The following NTM variants were observed in gnomAD, a reference collection of about 807,000 sequenced individuals.
The protein encoded by NTM is IgLON family member 2.
NTM carries 13 observed loss-of-function variants against 42.1 expected under a neutral mutation model. That is an observed-to-expected ratio of 0.31 (90% CI 0.20 to 0.49). The LOEUF is 0.49. Among genes scored for constraint, NTM ranks in the 20% least tolerant of loss-of-function variants. NTM has a pLI of 0.99. For missense variants in NTM, 373 were observed against 452.8 expected, an observed-to-expected ratio of 0.82 and a Z score of 1.60; for synonymous variants, 187 against 179.2, an observed-to-expected ratio of 1.04 and a Z score of -0.35.
At chr11:131,410,798 T>G (rs577107306) in intron 1 of NTM, among the ~76,000 whole-genome samples, 1 of 152,330 alleles carries the variant, frequency 6.6e-6, no homozygotes, top group African/African-American at 2.4e-5. Context: ...GTTCCATTAT[T>G]GGAACGCTAA....
At chr11:131,622,117 G>C (rs79082312) in intron 1 of NTM, among the ~76,000 whole-genome samples, 2,391 of 152,238 alleles carry the variant, frequency 0.016, 28 homozygotes, top group South Asian at 0.048. Flanking sequence ...GGGAGGATGG[G>C]GGGGACCATC....
At chr11:132,169,320 C>CTTTACTTTTTTTTT (rs2075776577) in intron 3 of NTM, among the ~76,000 whole-genome samples, 1 of 32,358 alleles carries the variant, frequency 3.1e-5, no homozygotes, top group Non-Finnish European at 5.4e-5. Context: ...AATTTTTTTA[C>CTTTACTTTTTTTTT]TTTTTTTTTT....
intron 4 of NTM, among the ~76,000 whole-genome samples, chr11:132,298,730 T>A (rs2094719054): frequency 6.6e-6 from 1 of 152,238 alleles, no homozygotes; most frequent in Non-Finnish European, 1.5e-5. Context: ...ATTAAGGGAA[T>A]TTGTTTCTAC....
intron 1 of NTM, among the ~76,000 whole-genome samples, chr11:131,762,635 C>T (rs2135818775): frequency 6.6e-6 from 1 of 152,348 alleles, no homozygotes; most frequent in African/African-American, 2.4e-5. Flanking sequence ...TCTCCTGAGG[C>T]CGTCCTTTTC....
At chr11:131,591,373 C>T (rs567357649) in intron 1 of NTM, among the ~76,000 whole-genome samples, 1 of 152,238 alleles carries the variant, frequency 6.6e-6, no homozygotes, top group Non-Finnish European at 1.5e-5. Context: ...GGGACGAAGC[C>T]TCCCGTGGGC....
At chr11:131,796,715 C>T (rs1473947097) in intron 1 of NTM, among the ~76,000 whole-genome samples, 6 of 152,176 alleles carry the variant, frequency 3.9e-5, no homozygotes, top group Non-Finnish European at 8.8e-5. Context: ...TCGACATCAG[C>T]GCATGCGTAA....
At chr11:131,974,628 G>A (rs1003211081) in intron 2 of NTM, among the ~76,000 whole-genome samples, 1 of 152,158 alleles carries the variant, frequency 6.6e-6, no homozygotes, top group African/African-American at 2.4e-5. Flanking sequence ...GGATCTGACT[G>A]CCTGGGTTCA....
At chr11:131,576,328 C>G (rs760471705) in intron 1 of NTM, among the ~76,000 whole-genome samples, 1 of 152,168 alleles carries the variant, frequency 6.6e-6, no homozygotes, top group Non-Finnish European at 1.5e-5. Context: ...TCAAAAGAAC[C>G]AGGATTGGTC....
intron 3 of NTM, among the ~76,000 whole-genome samples, chr11:132,161,244 C>A (rs916376324): frequency 7.9e-5 from 12 of 152,266 alleles, no homozygotes; most frequent in African/African-American, 2.6e-4. Flanking sequence ...GTGAGTGCAG[C>A]ACCCTGTTTA....
At chr11:132,252,896 A>C (rs7108688) in intron 4 of NTM, among the ~76,000 whole-genome samples, 18,105 of 152,280 alleles carry the variant, frequency 0.12, 1,797 homozygotes, top group African/African-American at 0.27. Context: ...CATAGGATAT[A>C]AGAACTTAAA....
chr11:131,739,331 G>C (rs193113522), intron 1 of NTM, among the ~76,000 whole-genome samples: 3 of 152,028 alleles, frequency 2.0e-5, no homozygotes, highest in African/African-American at 7.3e-5. Flanking sequence ...ACTTTATCAC[G>C]TATGAGTATT....
intron 2 of NTM, among the ~76,000 whole-genome samples, chr11:131,970,443 C>G (rs1310656133): frequency 2.0e-5 from 3 of 152,184 alleles, no homozygotes; most frequent in African/African-American, 7.2e-5. Flanking sequence ...TGTTGCTAAT[C>G]CTCTTCTGGA....
intron 4 of NTM, among the ~76,000 whole-genome samples, chr11:132,257,709 T>C (rs1265433859): frequency 6.6e-6 from 1 of 152,238 alleles, no homozygotes; most frequent in Non-Finnish European, 1.5e-5. Context: ...ATCTTACAGA[T>C]GAGAAACCTC....
At chr11:131,393,853 C>A (rs1944286570) in intron 1 of NTM, among the ~76,000 whole-genome samples, 1 of 152,170 alleles carries the variant, frequency 6.6e-6, no homozygotes, top group Non-Finnish European at 1.5e-5. Context: ...TTGGGAGAGG[C>A]TTTTGTTGTG....
At chr11:132,249,478 C>T (rs545082383) in intron 4 of NTM, among the ~76,000 whole-genome samples, 4 of 152,180 alleles carry the variant, frequency 2.6e-5, no homozygotes, top group Admixed American at 2.0e-4. Context: ...ATCCTGGCTA[C>T]GTGGGTTGTT....
chr11:131,997,995 C>T (rs2068399951), intron 2 of NTM, among the ~76,000 whole-genome samples: 1 of 152,060 alleles, frequency 6.6e-6, no homozygotes, highest in African/African-American at 2.4e-5. Flanking sequence ...GGTTCTTCCA[C>T]CCCAGGACCC....
At chr11:131,730,251 TATG>T (rs2079478530) in intron 1 of NTM, among the ~76,000 whole-genome samples, 1 of 152,222 alleles carries the variant, frequency 6.6e-6, no homozygotes. Flanking sequence ...TTAATTTTAA[TATG>T]ATGTATTTGA....
At chr11:131,861,993 C>G (rs2046684466) in intron 1 of NTM, among the ~76,000 whole-genome samples, 1 of 152,200 alleles carries the variant, frequency 6.6e-6, no homozygotes, top group Admixed American at 6.5e-5. Context: ...GCTCACCTGA[C>G]TCTTCGTTGG....
At chr11:132,129,811 C>G (rs1469557337) in intron 2 of NTM, among the ~76,000 whole-genome samples, 1 of 152,208 alleles carries the variant, frequency 6.6e-6, no homozygotes, top group Admixed American at 6.5e-5. Flanking sequence ...GATACAGCCT[C>G]AACATTCTGA....
Sources: gnomAD v4.1 joint callset for allele counts (sites outside exome capture counted in the v4.1 genomes callset) on GRCh38, gnomAD v4.1.1 for gene constraint, MANE v1.5 for transcripts, NCBI Gene and HGNC (gene_info 2026-07-23, HGNC 2026-07-21) for gene names.